The following RPE65 variants were observed in gnomAD, a reference collection of about 807,000 sequenced individuals.
RPE65 encodes retinoid isomerohydrolase RPE65.
RPE65 carries 58 observed loss-of-function variants against 68.5 expected under a neutral mutation model. That is an observed-to-expected ratio of 0.85 (90% CI 0.69 to 1.05). The LOEUF is 1.05. Ranked by LOEUF, RPE65 falls within the 50% of genes least tolerant of loss-of-function variation. The pLI is 0.00. For missense variants in RPE65, 643 were observed against 629.9 expected (o/e 1.02, Z -0.22); for synonymous variants, 220 against 222.2 (o/e 0.99, Z 0.09).
At chr1:68,448,597 G>A (rs1181399213) in intron 2 of RPE65, 27 bp downstream of exon 2, 5 of 1,603,396 alleles carry the variant, frequency 3.1e-6, no homozygotes, top group African/African-American at 2.7e-5. Flanking sequence ...CATAAAAGAG[G>A]ATGGCTTCAA....
chr1:68,449,812 C>G (rs1457208673), intron 1 of RPE65, 83 bp downstream of exon 1: 1 of 1,482,702 alleles, frequency 6.7e-7, no homozygotes, highest in Non-Finnish European at 9.4e-7. Flanking sequence ...TTAATCAATG[C>G]CTTCTCTTCA....
intron 9 of RPE65, among the ~76,000 whole-genome samples, chr1:68,438,639 T>C (rs1487345442): frequency 6.6e-6 from 1 of 152,212 alleles, no homozygotes; most frequent in Non-Finnish European, 1.5e-5. Context: ...TTTTTCTCCC[T>C]TCGCAGAGAA....
At chr1:68,447,124 C>T (rs965803294) in intron 2 of RPE65, among the ~76,000 whole-genome samples, 1 of 152,156 alleles carries the variant, frequency 6.6e-6, no homozygotes. Flanking sequence ...GAGGGAGAAG[C>T]ATCTTGAGAG....
intron 10 of RPE65, among the ~76,000 whole-genome samples, chr1:68,436,867 C>G (rs1645866727): frequency 6.6e-6 from 1 of 152,188 alleles, no homozygotes; most frequent in Non-Finnish European, 1.5e-5. Flanking sequence ...ACTCCTTCCT[C>G]TCCCTTACCC....
chr1:68,434,007 G>A (rs893235358), intron 10 of RPE65, among the ~76,000 whole-genome samples: 2 of 151,552 alleles, frequency 1.3e-5, no homozygotes, highest in Non-Finnish European at 2.9e-5. Context: ...GATGTTGAAA[G>A]ATAAAAGGTC....
intron 9 of RPE65, among the ~76,000 whole-genome samples, chr1:68,438,695 C>T (rs1401381947): frequency 6.6e-6 from 1 of 152,166 alleles, no homozygotes; most frequent in East Asian, 1.9e-4. Context: ...TTTAAGTTCA[C>T]CTCTCAGGTC....
chr1:68,438,943 C>G lies in RPE65; in HGVS notation c.997G>C (p.Gly333Arg), dbSNP rs1459522532. 6.2e-7 allele frequency: 1 copy of G among 1,613,860 alleles called. No individual in the cohort carries two copies. The highest frequency in any genetic ancestry group is 2.2e-5 in the East Asian group (1 of 44,882). The change falls in exon 9 of 14, where the codon GGA becomes CGA. Residue 333 changes from glycine (G) to arginine (R), a missense_variant and splice_region_variant. Physicochemically the swap from Gly to Arg is moderately radical, Grantham distance 125. Coordinates refer to ENST00000262340, the MANE Select transcript of RPE65 (RefSeq NM_000329.3). ...CATTTGTCCAGTGTCCTTTCTTACC[C>G]TTTCCAGCAGCAGAGATCCACAATC... ...FLIVDLCCWK[G>R]FEFVYNYLYL...
rs2100828338 is a variant in RPE65 at position 68,444,826 on chromosome 1, T to C, written c.303A>G (p.Thr101=). 6.2e-7 allele frequency: 1 copy of C among 1,614,114 alleles called. No homozygotes were observed. Among genetic ancestry groups the C allele is most frequent in the South Asian group, 1.1e-5 (1 of 91,078 alleles). ...CTGGGAAAGCACAGGTGCCAAATTC[T>C]GTTATGACGATCCTTTTCTCAGTCA... is the stretch of plus-strand genomic sequence containing the variant. ...RAMTEKRIVI[T]EFGTCAFPDP... Residue 101 remains threonine (T), a synonymous_variant, in exon 4 of 14, where the codon ACA becomes ACG. Transcript: ENST00000262340.
Position 68,449,918 on chromosome 1 carries a change from C to T in RPE65, c.-13G>A. On this transcript the variant is annotated 5_prime_UTR_variant, in exon 1 of 14. Transcript: ENST00000262340. ...ACTGGATAGACATTTTCTTCCAGTT[C>T]AGGATCCAGAGTTCTGGCACCAACT... 6.2e-7 allele frequency: 1 copy of T among 1,614,136 alleles called. No individual in the cohort carries two copies. Among genetic ancestry groups the T allele is most frequent in the South Asian group, 1.1e-5 (1 of 91,074 alleles).
chr1:68,429,352 G>A lies in RPE65; in HGVS notation c.*424C>T, dbSNP rs1645803830. The A allele has an allele frequency of 5.4e-6, 1 of 183,922 alleles. No homozygotes were observed. Among genetic ancestry groups the A allele is most frequent in the Admixed American group, 5.6e-5 (1 of 17,950 alleles). 11.4% of individuals were successfully genotyped at this position (183,922 alleles called of 1,614,324 possible). A position where few individuals can be genotyped will look rare whatever the true frequency, so the allele number is the denominator to read the frequency against. Reference sequence around the variant, plus strand: ...TGACATTTAGTAATTAAGCCTTATTGCATGATACTTCCTTGACTCAGCAAA... The same window carrying A: ...TGACATTTAGTAATTAAGCCTTATTACATGATACTTCCTTGACTCAGCAAA... On this transcript the variant is annotated 3_prime_UTR_variant, in exon 14 of 14. Transcript: ENST00000262340.
chr1:68,429,715 T>A lies in RPE65; in HGVS notation c.*61A>T. ...AGGCTAAAATTGAACAGAATTTGAT[T>A]GCAGACCTGAAGCTGATTTTCTCAG... On this transcript the variant is annotated 3_prime_UTR_variant, in exon 14 of 14. Coordinates refer to ENST00000262340, the MANE Select transcript of RPE65 (RefSeq NM_000329.3). 6.2e-7 allele frequency: 1 copy of A among 1,604,262 alleles called. No individual in the cohort carries two copies. The highest frequency in any genetic ancestry group is 2.2e-5 in the East Asian group (1 of 44,772).
rs755771907 is a variant in RPE65 at position 68,431,457 on chromosome 1, C to T, written c.1243+14G>A. ...TGTTCACTCCCGTGTGAAGTTTTCT[C>T]TAGATCATCTCACCTTGACGAGGCC... On this transcript the variant is annotated intron_variant, in intron 11 of 13. Coordinates refer to ENST00000262340, the MANE Select transcript of RPE65 (RefSeq NM_000329.3). The T allele has an allele frequency of 1.2e-6, 2 of 1,613,364 alleles. No homozygotes were observed. The highest frequency in any genetic ancestry group is 3.3e-5 in the Admixed American group (2 of 59,944).
At chr1:68,440,287 A>G (rs1645892912) in intron 6 of RPE65, among the ~76,000 whole-genome samples, 1 of 152,218 alleles carries the variant, frequency 6.6e-6, no homozygotes, top group African/African-American at 2.4e-5. Context: ...ATCTGTATAC[A>G]TTCAAATAAT....
chr1:68,445,364 T>C (rs1645935380), intron 3 of RPE65, among the ~76,000 whole-genome samples: 1 of 152,192 alleles, frequency 6.6e-6, no homozygotes, highest in African/African-American at 2.4e-5. Context: ...AATTTTAACA[T>C]TTATTTTGTT....
intron 6 of RPE65, among the ~76,000 whole-genome samples, chr1:68,440,141 A>G (rs1645891384): frequency 6.6e-6 from 1 of 152,214 alleles, no homozygotes; most frequent in African/African-American, 2.4e-5. Flanking sequence ...TACTGATTGC[A>G]GGCTCCACTC....
At chr1:68,441,565 A>G (rs184819126) in intron 5 of RPE65, among the ~76,000 whole-genome samples, 1 of 152,246 alleles carries the variant, frequency 6.6e-6, no homozygotes, top group Admixed American at 6.5e-5. Context: ...CATTTCTGGC[A>G]AAAGCATACA....
At chr1:68,445,582 T>C (rs991072527) in intron 3 of RPE65, among the ~76,000 whole-genome samples, 1 of 152,044 alleles carries the variant, frequency 6.6e-6, no homozygotes, top group African/African-American at 2.4e-5. Context: ...GGCGCAATCT[T>C]GGCTCACTGC....
chr1:68,442,045 C>T (rs1645905478), intron 5 of RPE65, among the ~76,000 whole-genome samples: 1 of 152,214 alleles, frequency 6.6e-6, no homozygotes, highest in South Asian at 2.1e-4. Context: ...TTCAGCTCCT[C>T]AGTCACATTA....
rs200384926 is a variant in RPE65 at position 68,439,197 on chromosome 1, G to A, written c.852C>T (p.Thr284=). 3 of 1,614,040 alleles carry A rather than the reference G, an allele frequency of 1.9e-6. No homozygotes were observed. Among genetic ancestry groups the A allele is most frequent in the Non-Finnish European group, 2.5e-6 (3 of 1,179,968 alleles). Residue 284 remains threonine (T), a synonymous_variant, in exon 8 of 14, where the codon ACC becomes ACT. Coordinates refer to ENST00000262340, the MANE Select transcript of RPE65 (RefSeq NM_000329.3). ...AAATATATCTAAGACTTACCCCCAT[G>A]GTTTCATTGGACTCAAAACAATCCA... is the stretch of plus-strand genomic sequence containing the variant. The part of the protein sequence containing the change: ...NYMDCFESNE[T]MGVWLHIADK...
Sources: gnomAD v4.1 joint callset for allele counts (sites outside exome capture counted in the v4.1 genomes callset) on GRCh38, gnomAD v4.1.1 for gene constraint, MANE v1.5 for transcripts, NCBI Gene and HGNC (gene_info 2026-07-23, HGNC 2026-07-21) for gene names.